The following UBA3 variants were observed in gnomAD, a reference collection of about 807,000 sequenced individuals.
The protein encoded by UBA3 is ubiquitin like modifier activating enzyme 3.
In UBA3, 26 loss-of-function variants were observed where a neutral mutation model predicts 73.5. That is an observed-to-expected ratio of 0.35 (90% confidence interval 0.26 to 0.49). The LOEUF is 0.49. Ranked by LOEUF, UBA3 falls within the 20% of genes least tolerant of loss-of-function variation. The pLI is 0.98. For missense variants in UBA3, 495 were observed against 555.6 expected, an observed-to-expected ratio of 0.89 and a Z score of 1.10; for synonymous variants, 217 against 191.2, an observed-to-expected ratio of 1.13 and a Z score of -1.11.
At chr3:69,061,954 A>G in intron 10 of UBA3, 27 bp from the exon 11 acceptor site, 2 of 1,502,092 alleles carry the variant, frequency 1.3e-6, no homozygotes, top group Non-Finnish European at 1.8e-6. Flanking sequence ...AGGGAGAGAG[A>G]GAGAGAGAGA....
At chr3:69,077,121 T>A (rs1032285762) in intron 3 of UBA3, among the ~76,000 whole-genome samples, 4 of 151,604 alleles carry the variant, frequency 2.6e-5, no homozygotes, top group African/African-American at 7.2e-5. Flanking sequence ...TTTTTTTTTT[T>A]ATTTTTAATG....
At position 69,055,486 on chromosome 3, in the gene UBA3, TC is replaced by T; in HGVS notation, c.1342del (p.Asp448MetfsTer29). On this transcript the variant is annotated frameshift_variant, in exon 18 of 18. Transcript: ENST00000361055. LOFTEE classifies it high-confidence loss of function. ...LVDGQELAVA[D>X]VTTPQTVLFK... The stretch of plus-strand genomic sequence containing the variant: ...TAGTACAGTCTGTGGGGTGGTGACA[TC>T]AGCAACCGCCAGTTCTTGTCCATCA... 1 of 1,576,124 alleles carries T rather than the reference TC, an allele frequency of 6.3e-7. No individual in the cohort carries two copies. Among genetic ancestry groups the T allele is most frequent in the Non-Finnish European group, 8.5e-7 (1 of 1,169,796 alleles).
At chr3:69,077,993 C>A in intron 2 of UBA3, 75 bp from the exon 3 acceptor site, 4 of 1,528,844 alleles carry the variant, frequency 2.6e-6, no homozygotes, top group Non-Finnish European at 3.5e-6. Flanking sequence ...TATGGTATCC[C>A]CAAATGAAAA....
chr3:69,056,133 A>G, intron 15 of UBA3, 50 bp downstream of exon 15: 1 of 1,560,250 alleles, frequency 6.4e-7, no homozygotes, highest in Non-Finnish European at 8.6e-7. Flanking sequence ...TAAGGTTTCA[A>G]AAATCACAAA....
At position 69,055,925 on chromosome 3, in the gene UBA3, T is replaced by G; in HGVS notation, c.1249-20A>C. On this transcript the variant is annotated intron_variant, in intron 16 of 17. Transcript: ENST00000361055. ...TACCGACTAGAAAACAAAATTACTTTAATGTAAGACACATTAAAGTAAAAT... is the reference window on the plus strand; with the variant it reads ...TACCGACTAGAAAACAAAATTACTTGAATGTAAGACACATTAAAGTAAAAT... 1 of 1,609,228 alleles carries G rather than the reference T, an allele frequency of 6.2e-7. No homozygotes were observed.
At chr3:69,072,191 C>A (rs2092126639) in intron 4 of UBA3, among the ~76,000 whole-genome samples, 1 of 152,126 alleles carries the variant, frequency 6.6e-6, no homozygotes, top group South Asian at 2.1e-4. Context: ...GTTAGGTTTC[C>A]ATAATAATGC....
intron 11 of UBA3, 111 bp downstream of exon 11, chr3:69,061,703 T>G: frequency 3.2e-6 from 2 of 624,406 alleles, no homozygotes; most frequent in Non-Finnish European, 5.5e-6. Flanking sequence ...GTACCTTTAC[T>G]GAACTTCAAG....
At chr3:69,058,674 G>A (rs2091997262) in intron 11 of UBA3, among the ~76,000 whole-genome samples, 1 of 152,184 alleles carries the variant, frequency 6.6e-6, no homozygotes, top group East Asian at 1.9e-4. Context: ...ACACTGCCCA[G>A]TAAGAACATT....
At position 69,061,922 on chromosome 3, in the gene UBA3, C is replaced by G; in HGVS notation, c.802G>C (p.Val268Leu). The G allele has an allele frequency of 6.3e-7, 1 of 1,581,542 alleles. No individual in the cohort carries two copies. The highest frequency in any genetic ancestry group is 8.6e-7 in the Non-Finnish European group (1 of 1,165,980). The change falls in exon 11 of 18, where the codon GTT (valine) becomes CTT (leucine). Residue 268 changes from valine to leucine, a missense_variant. Transcript: ENST00000361055. ...WPKEQPFGEG[V>L]PLDGDDPEHI... The stretch of plus-strand genomic sequence containing the variant: ...TCAGGATCATCTCCATCTAATGGAA[C>G]CCCTTCTGTTTAAAAAAAAAAAGGG...
intron 17 of UBA3, 34 bp downstream of exon 17, chr3:69,055,817 G>A: frequency 6.3e-7 from 1 of 1,578,100 alleles, no homozygotes; most frequent in Non-Finnish European, 8.6e-7. Flanking sequence ...AGAAAAGAAA[G>A]AAAATGATTA....
chr3:69,069,835 T>C (rs2092107135), intron 5 of UBA3, among the ~76,000 whole-genome samples: 1 of 152,248 alleles, frequency 6.6e-6, no homozygotes, highest in Non-Finnish European at 1.5e-5. Context: ...TTATTTTAAG[T>C]AATATATTCT....
chr3:69,056,621 T>G lies in UBA3; in HGVS notation c.1074A>C (p.Ala358=), dbSNP rs757316634. ...TCTTAATACTACTAACCTTTCTTTC[T>G]GCTTCAAATGTGTATGTATACAGCC... ...VDGLYTYTFE[A]ERKENCPACS... Residue 358 remains alanine, a synonymous_variant, in exon 14 of 18, where the codon GCA becomes GCC. Coordinates refer to ENST00000361055, the MANE Select transcript of UBA3 (RefSeq NM_003968.4). The G allele has an allele frequency of 5.0e-6, 8 of 1,610,062 alleles. No homozygotes were observed. The African/African-American group carries it at 1.1e-4, about 22-fold the overall frequency.
rs116820810 is a variant in UBA3, at chr3:69,061,927, T to C, written c.797A>G (p.Glu266Gly). Reference sequence around the variant, plus strand: ...ATCATCTCCATCTAATGGAACCCCTTCTGTTTAAAAAAAAAAAGGGAGAGA... The same window carrying C: ...ATCATCTCCATCTAATGGAACCCCTCCTGTTTAAAAAAAAAAAGGGAGAGA... Reference protein sequence around the residue: ...LQWPKEQPFGEGVPLDGDDPE... With the variant: ...LQWPKEQPFGGGVPLDGDDPE... The change falls in exon 11 of 18, where the codon GAA becomes GGA. Residue 266 changes from glutamate to glycine, a missense_variant and splice_region_variant. By Grantham distance (98) the Glu-to-Gly change is moderately conservative. Coordinates refer to ENST00000361055, the MANE Select transcript of UBA3 (RefSeq NM_003968.4). 1 of 1,577,808 alleles carries C rather than the reference T, an allele frequency of 6.3e-7. No homozygotes were observed. The highest frequency in any genetic ancestry group is 2.2e-5 in the East Asian group (1 of 44,604).
chr3:69,075,072 T>A (rs2092153774), intron 4 of UBA3: 1 of 154,086 alleles, frequency 6.5e-6, no homozygotes, highest in Non-Finnish European at 1.4e-5. Context: ...GCAAAAGAAA[T>A]AATAAATTAT....
intron 2 of UBA3, chr3:69,079,890 G>A (rs557409024): frequency 7.6e-6 from 4 of 525,006 alleles, no homozygotes; most frequent in South Asian, 5.1e-5. Context: ...CAGGAGCTGG[G>A]GCAGTACAGC....
At chr3:69,069,588 A>G (rs2092104904) in intron 5 of UBA3, among the ~76,000 whole-genome samples, 1 of 152,012 alleles carries the variant, frequency 6.6e-6, no homozygotes, top group African/African-American at 2.4e-5. Flanking sequence ...TAGCCTCCCA[A>G]TGTGCTGTGA....
In UBA3 at chr3:69,056,611, CCTTT is replaced by C. The variant is rs766480926; in HGVS notation, c.1080_1083del (p.Glu362ThrfsTer27). 1.2e-6 allele frequency: 2 copies of C among 1,605,632 alleles called. No individual in the cohort carries two copies. The highest frequency in any genetic ancestry group is 1.7e-6 in the Non-Finnish European group (2 of 1,174,632). On this transcript the variant is annotated frameshift_variant and splice_region_variant, in exon 14 of 18. Coordinates refer to ENST00000361055, the MANE Select transcript of UBA3 (RefSeq NM_003968.4). LOFTEE classifies it high-confidence loss of function. ...AAAAATGTGTTCTTAATACTACTAA[CCTTT>C]CTTTCTGCTTCAAATGTGTATGTAT... is the stretch of plus-strand genomic sequence containing the variant.
chr3:69,079,499 A>G (rs75930528), intron 2 of UBA3, among the ~76,000 whole-genome samples: 13 of 152,330 alleles, frequency 8.5e-5, no homozygotes, highest in African/African-American at 2.4e-5. Flanking sequence ...GCCAGGTTAG[A>G]AAACACTTCG....
Position 69,054,831 on chromosome 3 carries a change from T to C in UBA3, c.*606A>G, listed in dbSNP as rs756479863. ...AGCCATGTCTTGGCATTAGTTAATA[T>C]TGTGCATATTGGCCTCTATGGCACT... is the stretch of plus-strand genomic sequence containing the variant. On this transcript the variant is annotated 3_prime_UTR_variant, in exon 18 of 18. Coordinates refer to ENST00000361055, the MANE Select transcript of UBA3 (RefSeq NM_003968.4). 2 of 152,242 alleles carry C rather than the reference T, an allele frequency of 1.3e-5. No homozygotes were observed. The highest frequency in any genetic ancestry group is 1.3e-4 in the Admixed American group (2 of 15,280). 9.4% of individuals were successfully genotyped at this position (152,242 alleles called of 1,614,324 possible). A position where few individuals can be genotyped will look rare whatever the true frequency, so the allele number is the denominator to read the frequency against.
Sources: allele counts gnomAD v4.1 joint callset (sites outside exome capture counted in the v4.1 genomes callset), GRCh38; gene constraint gnomAD v4.1.1; transcripts MANE v1.5; gene names NCBI Gene and HGNC (gene_info 2026-07-23, HGNC 2026-07-21).